Variants in SH3RF1 observed in about 807,000 individuals in gnomAD.
The protein encoded by SH3RF1 is SH3 domain containing ring finger 1.
SH3RF1 carries 32 observed loss-of-function variants against 74.0 expected under a neutral mutation model. That is an observed-to-expected ratio of 0.43 (90% confidence interval 0.33 to 0.58). The LOEUF (loss-of-function observed/expected upper bound fraction) is 0.58, where lower values mean the gene tolerates loss of function less well. SH3RF1 is among the 20% of genes least tolerant of loss of function. The pLI is 0.05. For synonymous variants in SH3RF1, 396 were observed against 439.6 expected, an observed-to-expected ratio of 0.90 and a Z score of 1.24; for missense variants, 954 against 1,130.9, an observed-to-expected ratio of 0.84 and a Z score of 2.24.
chr4:169,107,023 A>G lies in SH3RF1; in HGVS notation c.2322T>C (p.Pro774=). The change falls in exon 11 of 12, where the codon CCT becomes CCC. Residue 774 remains proline, a synonymous_variant. Coordinates refer to ENST00000284637, the MANE Select transcript of SH3RF1 (RefSeq NM_020870.4). The part of the protein sequence containing the change: ...GGGHGRAGSC[P]VDGDGPVTTA... ...TCGTGACCGGTCCGTCCCCGTCCAC[A>G]GGGCAGGAGCCTGCCCTGCCATGGC... is the stretch of plus-strand genomic sequence containing the variant. 6.2e-7 allele frequency: 1 copy of G among 1,613,846 alleles called. No individual in the cohort carries two copies. Among genetic ancestry groups the G allele is most frequent in the Non-Finnish European group, 8.5e-7 (1 of 1,179,930 alleles).
intron 2 of SH3RF1, among the ~76,000 whole-genome samples, chr4:169,234,214 G>T (rs749431839): frequency 5.9e-5 from 9 of 152,022 alleles, no homozygotes; most frequent in Admixed American, 1.3e-4. Context: ...TCCCACTTGG[G>T]ATAATTAATC....
chr4:169,191,938 C>A (rs1055494268), intron 2 of SH3RF1, among the ~76,000 whole-genome samples: 10 of 152,050 alleles, frequency 6.6e-5, no homozygotes, highest in South Asian at 2.1e-4. Context: ...TATAAAAATT[C>A]TTGAAGATAA....
chr4:169,128,161 A>T (rs180721150), intron 6 of SH3RF1, among the ~76,000 whole-genome samples: 2 of 152,302 alleles, frequency 1.3e-5, no homozygotes, highest in Admixed American at 1.3e-4. Flanking sequence ...CAAGGCACTC[A>T]TCTGGAAATG....
chr4:169,110,324 C>T (rs149362557), intron 10 of SH3RF1, among the ~76,000 whole-genome samples: 22 of 152,012 alleles, frequency 1.4e-4, no homozygotes, highest in African/African-American at 5.3e-4. Flanking sequence ...TGCACTCCAG[C>T]CTGGGTGACA....
intron 2 of SH3RF1, among the ~76,000 whole-genome samples, chr4:169,167,500 T>G (rs1264434996): frequency 2.0e-5 from 3 of 152,078 alleles, no homozygotes; most frequent in African/African-American, 7.2e-5. Flanking sequence ...AAAATGCACA[T>G]CACAGCACTA....
At chr4:169,105,258 T>G (rs113801214) in intron 11 of SH3RF1, among the ~76,000 whole-genome samples, 5 of 152,294 alleles carry the variant, frequency 3.3e-5, no homozygotes, top group African/African-American at 1.2e-4. Context: ...AGATGACACT[T>G]AAGACAAATA....
At chr4:169,142,081 G>A (rs1733796705) in intron 4 of SH3RF1, among the ~76,000 whole-genome samples, 1 of 152,032 alleles carries the variant, frequency 6.6e-6, no homozygotes, top group African/African-American at 2.4e-5. Flanking sequence ...GCCTCCCAAA[G>A]TGCTGGGATT....
chr4:169,259,744 A>G (rs1048487131), intron 2 of SH3RF1, among the ~76,000 whole-genome samples: 1 of 152,138 alleles, frequency 6.6e-6, no homozygotes, highest in Non-Finnish European at 1.5e-5. Flanking sequence ...TTTCTATCAT[A>G]TGTACACCTC....
chr4:169,213,382 A>G lies in SH3RF1; in HGVS notation c.393+55438T>C, dbSNP rs117759530. Among the ~76,000 whole-genome samples the G allele has an allele frequency of 7.8e-4, 118 of 152,240 alleles. 2 individuals carry two copies. The East Asian group carries it at 0.021, about 27-fold the overall frequency. On this transcript the variant is annotated intron_variant, in intron 2 of 11. Coordinates refer to ENST00000284637, the MANE Select transcript of SH3RF1 (RefSeq NM_020870.4). The stretch of plus-strand genomic sequence containing the variant: ...CAATCCAATGGTTCATTTTCTTACT[A>G]TTGAGTTTTAACAGTTCTTTGTACA...
At chr4:169,102,915 C>CTTT (rs66574732) in intron 11 of SH3RF1, among the ~76,000 whole-genome samples, 2,049 of 66,872 alleles carry the variant, frequency 0.031, 138 homozygotes, top group East Asian at 0.044. Context: ...CAGTCACATT[C>CTTT]TTTTTTTTTT....
intron 1 of SH3RF1, 140 bp from the exon 2 acceptor site, chr4:169,269,447 G>A: frequency 2.2e-6 from 1 of 457,670 alleles, no homozygotes; most frequent in Non-Finnish European, 3.8e-6. Context: ...TTGGAATGTG[G>A]GTTCCTAAAC....
At chr4:169,125,557 G>C (rs1429100993) in intron 6 of SH3RF1, among the ~76,000 whole-genome samples, 2 of 152,132 alleles carry the variant, frequency 1.3e-5, no homozygotes, top group Non-Finnish European at 2.9e-5. Flanking sequence ...TGGAGCTTTG[G>C]ACACAAGTTC....
chr4:169,097,338 A>G (rs56334002), intron 11 of SH3RF1, among the ~76,000 whole-genome samples: 28,773 of 152,168 alleles, frequency 0.19, 2,961 homozygotes, highest in African/African-American at 0.27. Flanking sequence ...GGGGAGGGCT[A>G]TGGCCACAAG....
intron 2 of SH3RF1, among the ~76,000 whole-genome samples, chr4:169,160,295 G>A (rs1734130613): frequency 1.3e-5 from 2 of 152,234 alleles, no homozygotes; most frequent in Non-Finnish European, 1.5e-5. Context: ...GGAACTGAAG[G>A]AATTTATTTC....
chr4:169,241,836 A>G (rs749094002), intron 2 of SH3RF1, among the ~76,000 whole-genome samples: 17 of 152,172 alleles, frequency 1.1e-4, no homozygotes, highest in Non-Finnish European at 2.4e-4. Flanking sequence ...GGTAAAGTCA[A>G]CCTTGAGATT....
intron 2 of SH3RF1, among the ~76,000 whole-genome samples, chr4:169,174,354 T>C (rs1183490575): frequency 1.3e-5 from 2 of 152,190 alleles, no homozygotes; most frequent in East Asian, 3.8e-4. Context: ...TGAGCCATCA[T>C]GCCAGGCCAA....
At chr4:169,101,533 T>C (rs889013425) in intron 11 of SH3RF1, among the ~76,000 whole-genome samples, 5 of 152,058 alleles carry the variant, frequency 3.3e-5, no homozygotes, top group Admixed American at 3.3e-4. Flanking sequence ...CGGATAGCAG[T>C]GAATGGTTGT....
chr4:169,107,804 T>C (rs1733171507), intron 10 of SH3RF1, among the ~76,000 whole-genome samples: 1 of 152,190 alleles, frequency 6.6e-6, no homozygotes. Context: ...GCCACCTTGA[T>C]TAAATGTAAC....
chr4:169,147,815 T>G (rs186402854), intron 4 of SH3RF1, among the ~76,000 whole-genome samples: 2 of 152,328 alleles, frequency 1.3e-5, no homozygotes, highest in Non-Finnish European at 2.9e-5. Flanking sequence ...TGGACCAGTA[T>G]AGAATATTCA....
Sources: allele counts gnomAD v4.1 joint callset (sites outside exome capture counted in the v4.1 genomes callset), GRCh38; gene constraint gnomAD v4.1.1; transcripts MANE v1.5; gene names NCBI Gene and HGNC (gene_info 2026-07-23, HGNC 2026-07-21).